STAB2: variants seen among roughly 807,000 people sequenced by gnomAD.
The protein encoded by STAB2 is stabilin 2.
A neutral mutation model predicts 338.1 loss-of-function variants in STAB2; 288 were observed. The ratio of observed to expected loss-of-function variants is 0.85; its 90% CI spans 0.77 to 0.94. The LOEUF is 0.94. Among genes scored for constraint, STAB2 ranks in the 40% least tolerant of loss-of-function variants. STAB2 has a pLI of 0.00. For synonymous variants in STAB2, 1,202 were observed against 1,193.3 expected, an observed-to-expected ratio of 1.01 and a Z score of -0.15; for missense variants, 3,141 against 3,210.1, an observed-to-expected ratio of 0.98 and a Z score of 0.52.
intron 31 of STAB2, among the ~76,000 whole-genome samples, chr12:103,693,842 T>G (rs1331915830): frequency 6.6e-6 from 1 of 152,086 alleles, no homozygotes; most frequent in Non-Finnish European, 1.5e-5. Context: ...AAAATAACAA[T>G]TAATTGTGTT....
At chr12:103,637,288 TTAACAGG>T in intron 7 of STAB2, 52 bp downstream of exon 7, 1 of 1,570,666 alleles carries the variant, frequency 6.4e-7, no homozygotes, top group Non-Finnish European at 8.6e-7. Flanking sequence ...TTTAGGTTAT[TTAACAGG>T]AAAAAAAAAT....
chr12:103,643,936 C>A (rs1328910141), intron 9 of STAB2, among the ~76,000 whole-genome samples: 2 of 84,666 alleles, frequency 2.4e-5, no homozygotes, highest in South Asian at 3.5e-4. Context: ...CCCGGCCAGC[C>A]GCCCCGTCCG....
At chr12:103,757,851 C>A in intron 63 of STAB2, 1 of 360,284 alleles carries the variant, frequency 2.8e-6, no homozygotes, top group Admixed American at 3.7e-5. Flanking sequence ...TTGGACTGTT[C>A]CTCTGAGTGA....
Position 103,766,372 on chromosome 12 carries a change from C to A in STAB2, c.*36C>A. 1 of 1,580,268 alleles carries A rather than the reference C, an allele frequency of 6.3e-7. No individual in the cohort carries two copies. Among genetic ancestry groups the A allele is most frequent in the Non-Finnish European group, 8.6e-7 (1 of 1,162,562 alleles). On this transcript the variant is annotated 3_prime_UTR_variant, in exon 69 of 69. Coordinates refer to ENST00000388887, the MANE Select transcript of STAB2 (RefSeq NM_017564.10). ...GGGAGATGCCAGCCATCACTCACTGCCACCTGGGCCATCAACTGTGAATTC... is the reference window on the plus strand; with the variant it reads ...GGGAGATGCCAGCCATCACTCACTGACACCTGGGCCATCAACTGTGAATTC...
intron 44 of STAB2, among the ~76,000 whole-genome samples, chr12:103,719,187 C>T (rs937405768): frequency 1.3e-5 from 2 of 152,182 alleles, no homozygotes; most frequent in Non-Finnish European, 2.9e-5. Flanking sequence ...ACATCCGGAG[C>T]AGTTTGTGTG....
intron 60 of STAB2, 75 bp downstream of exon 60, chr12:103,750,795 A>G (rs1593333572): frequency 6.7e-7 from 1 of 1,501,090 alleles, no homozygotes; most frequent in East Asian, 2.4e-5. Flanking sequence ...AAGGGAAAGA[A>G]GAAAAACAAA....
Position 103,734,354 on chromosome 12 carries a change from G to T in STAB2, c.5461-1137G>T, listed in dbSNP as rs138375069. Among the ~76,000 whole-genome samples, 437 of 145,834 alleles carry T rather than the reference G, an allele frequency of 3.0e-3. 1 individual carries two copies. Among genetic ancestry groups the T allele is most frequent in the Non-Finnish European group, 3.8e-3 (252 of 66,802 alleles). On this transcript the variant is annotated intron_variant, in intron 51 of 68. Coordinates refer to ENST00000388887, the MANE Select transcript of STAB2 (RefSeq NM_017564.10). Reference sequence around the variant, plus strand: ...GCATGATCACATGGGAGCATGCACAGTCTCATAGGAACAAGAGCGATCATA... The same window carrying T: ...GCATGATCACATGGGAGCATGCACATTCTCATAGGAACAAGAGCGATCATA...
intron 22 of STAB2, among the ~76,000 whole-genome samples, chr12:103,673,289 C>T (rs896210924): frequency 7.2e-5 from 11 of 152,076 alleles, no homozygotes; most frequent in African/African-American, 2.4e-4. Context: ...AGCGTCACAT[C>T]CTCTTCCCCA....
intron 7 of STAB2, 59 bp downstream of exon 7, chr12:103,637,295 G>A (rs1229038805): frequency 7.1e-6 from 11 of 1,547,638 alleles, no homozygotes; most frequent in Admixed American, 4.3e-5. Flanking sequence ...TATTTAACAG[G>A]AAAAAAAAAT....
chr12:103,613,821 C>T (rs1346118714), intron 3 of STAB2, among the ~76,000 whole-genome samples: 2 of 152,140 alleles, frequency 1.3e-5, no homozygotes, highest in African/African-American at 4.8e-5. Context: ...ATTCGGCCAT[C>T]TTGGAACCCT....
chr12:103,610,524 G>A lies in STAB2; in HGVS notation c.332-9944G>A, dbSNP rs578133129. ...TGGTAGTTTGTATTTCTGTGGGATC[G>A]GTGGTGATATCGCCTTTATCATTTT... On this transcript the variant is annotated intron_variant, in intron 3 of 68. Coordinates refer to ENST00000388887, the MANE Select transcript of STAB2 (RefSeq NM_017564.10). Among the ~76,000 whole-genome samples the A allele has an allele frequency of 7.2e-4, 110 of 152,160 alleles. 2 individuals are homozygous for A. The highest frequency in any genetic ancestry group is 2.2e-3 in the Admixed American group (33 of 15,278).
At chr12:103,634,322 A>G (rs942568385) in intron 6 of STAB2, among the ~76,000 whole-genome samples, 1 of 152,228 alleles carries the variant, frequency 6.6e-6, no homozygotes, top group Non-Finnish European at 1.5e-5. Flanking sequence ...CACAATTTCA[A>G]CATGAGGTCG....
intron 51 of STAB2, 138 bp downstream of exon 51, chr12:103,733,320 C>T: frequency 2.0e-6 from 2 of 980,796 alleles, no homozygotes; most frequent in South Asian, 1.5e-5. Context: ...CATCCCCTGC[C>T]CCACTGTGTC....
At chr12:103,715,190 T>G (rs1479120030) in intron 42 of STAB2, among the ~76,000 whole-genome samples, 1 of 152,236 alleles carries the variant, frequency 6.6e-6, no homozygotes, top group Admixed American at 6.5e-5. Context: ...AAGGCCCAAA[T>G]GTCACACAAG....
At position 103,648,729 on chromosome 12, in the gene STAB2, G is replaced by A. The variant is rs200157294; in HGVS notation, c.1080G>A (p.Thr360=). The A allele has an allele frequency of 3.7e-4, 597 of 1,614,078 alleles. No individual in the cohort carries two copies. The highest frequency in any genetic ancestry group is 1.2e-3 in the Admixed American group (73 of 59,990). ...AAGGTTACGTGGGTGATGGCTTAAC[G>A]TGTTATGGAAACATTATGGAGCGAC... ...CQKGYVGDGL[T]CYGNIMERLR... The change falls in exon 10 of 69, where the codon ACG becomes ACA. Residue 360 remains threonine, a synonymous_variant. Transcript: ENST00000388887.
intron 3 of STAB2, among the ~76,000 whole-genome samples, chr12:103,610,163 C>T (rs186402691): frequency 1.3e-5 from 2 of 151,740 alleles, no homozygotes; most frequent in Admixed American, 6.6e-5. Context: ...TTGGTTGTGT[C>T]TCTGCCAGGC....
At chr12:103,630,487 G>A (rs1957443157) in intron 5 of STAB2, among the ~76,000 whole-genome samples, 4 of 152,156 alleles carry the variant, frequency 2.6e-5, no homozygotes, top group Admixed American at 2.6e-4. Flanking sequence ...CTAATCCCTG[G>A]AACCTATGAA....
At chr12:103,670,656 A>G in intron 21 of STAB2, 40 bp from the exon 22 acceptor site, 1 of 1,494,890 alleles carries the variant, frequency 6.7e-7, no homozygotes, top group Non-Finnish European at 9.3e-7. Context: ...CCTGAGAACT[A>G]TGTGTCCTAA....
intron 59 of STAB2, 152 bp from the exon 60 acceptor site, chr12:103,750,427 G>A (rs1473979606): frequency 1.1e-6 from 1 of 891,484 alleles, no homozygotes; most frequent in Non-Finnish European, 1.7e-6. Flanking sequence ...CATAAAAGCA[G>A]GACGTAGCAG....
Sources: allele counts gnomAD v4.1 joint callset (sites outside exome capture counted in the v4.1 genomes callset), GRCh38; gene constraint gnomAD v4.1.1; transcripts MANE v1.5; gene names NCBI Gene and HGNC (gene_info 2026-07-23, HGNC 2026-07-21).